The following DOCK8 variants were observed in gnomAD, a reference collection of about 807,000 sequenced individuals.
The protein encoded by DOCK8 is dedicator of cytokinesis 8, also known as dedicator of cytokinesis protein 8.
A neutral mutation model predicts 245.6 loss-of-function variants in DOCK8; 141 were observed. That is an observed-to-expected ratio of 0.57 (90% confidence interval 0.50 to 0.66). The LOEUF (loss-of-function observed/expected upper bound fraction) is 0.66, where lower values mean the gene tolerates loss of function less well. Ranked by LOEUF, DOCK8 falls within the 30% of genes least tolerant of loss-of-function variation. The probability of loss-of-function intolerance (pLI) is 0.00; values close to 1 mark genes in which losing one functional copy is unlikely to be tolerated. For synonymous variants in DOCK8, 1,168 were observed against 970.2 expected (o/e 1.20, Z -3.79); for missense variants, 2,965 against 2,603.4 (o/e 1.14, Z -3.02).
chr9:443,660 T>C, intron 43 of DOCK8, 144 bp downstream of exon 43: 1 of 665,442 alleles, frequency 1.5e-6, no homozygotes, highest in South Asian at 1.8e-5. Flanking sequence ...CAACTACTAA[T>C]TGGTCAGATC....
At chr9:288,952 A>G (rs537169018) in intron 3 of DOCK8, among the ~76,000 whole-genome samples, 1 of 152,332 alleles carries the variant, frequency 6.6e-6, no homozygotes, top group African/African-American at 2.4e-5. Context: ...TTTTGATTTC[A>G]AGACTCTGAA....
intron 4 of DOCK8, among the ~76,000 whole-genome samples, chr9:293,868 T>A (rs976116405): frequency 2.0e-5 from 3 of 152,242 alleles, no homozygotes; most frequent in African/African-American, 7.2e-5. Context: ...AAATCATGTA[T>A]GATTGTTTTG....
intron 10 of DOCK8, among the ~76,000 whole-genome samples, chr9:333,337 C>T (rs977985298): frequency 1.3e-5 from 2 of 152,236 alleles, no homozygotes; most frequent in Non-Finnish European, 2.9e-5. Context: ...CGTGGTGGCT[C>T]ACACCTGTAA....
intron 37 of DOCK8, 30 bp downstream of exon 37, chr9:432,354 C>T (rs368285712): frequency 7.4e-5 from 119 of 1,612,194 alleles, no homozygotes; most frequent in Non-Finnish European, 9.2e-5. Context: ...TTGTCTCATG[C>T]ATGAGTTTGG....
At chr9:332,240 G>A (rs538041641) in intron 9 of DOCK8, among the ~76,000 whole-genome samples, 158 bp from the exon 10 acceptor site, 1 of 151,984 alleles carries the variant, frequency 6.6e-6, no homozygotes, top group East Asian at 1.9e-4. Flanking sequence ...AAAATTGTAT[G>A]CTATTCTTTA....
rs1491223161 is a variant in DOCK8 at position 403,959 on chromosome 9, T to TAC, written c.3235-959_3235-958insAC. On this transcript the variant is annotated intron_variant, in intron 26 of 47. Coordinates refer to ENST00000432829, the MANE Select transcript of DOCK8 (RefSeq NM_203447.4). ...ATATATATATGTGTATATATATATA[T>TAC]GTATATATATATATATGTGTATATA... 3.3e-4 allele frequency among the ~76,000 whole-genome samples: 29 copies of TAC among 87,114 alleles called. 1 individual carries two copies. Among genetic ancestry groups the TAC allele is most frequent in the African/African-American group, 1.8e-3 (27 of 15,176 alleles). The allele number at this position is 87,114 out of a possible 152,430, so 57.2% of individuals were successfully genotyped here.
intron 39 of DOCK8, among the ~76,000 whole-genome samples, chr9:439,039 G>A (rs746377948): frequency 2.6e-5 from 4 of 152,162 alleles, no homozygotes; most frequent in East Asian, 3.9e-4. Context: ...AAAGAAAAAC[G>A]TGAGGTTTGA....
chr9:289,589 ACT>A lies in DOCK8; in HGVS notation c.404+9_404+10del, dbSNP rs1491115310. On this transcript the variant is annotated intron_variant, in intron 4 of 47. Coordinates refer to ENST00000432829, the MANE Select transcript of DOCK8 (RefSeq NM_203447.4). ...GCTAATCGTGAACCGGAAGTAAGTT[ACT>A]TTTTTTCCACTTTTTGTATATAAAT... 3 of 1,607,802 alleles carry A rather than the reference ACT, an allele frequency of 1.9e-6. No homozygotes were observed. Among genetic ancestry groups the A allele is most frequent in the African/African-American group, 2.7e-5 (2 of 74,674 alleles).
In DOCK8 at chr9:323,093, C is replaced by CAA. The variant is rs141746047; in HGVS notation, c.828-2564_828-2563dup. 2.2e-3 allele frequency among the ~76,000 whole-genome samples: 219 copies of CAA among 100,292 alleles called. 1 individual carries two copies. The highest frequency in any genetic ancestry group is 0.013 in the Middle Eastern group (2 of 158). The allele number at this position is 100,292 out of a possible 152,430, so 65.8% of individuals were successfully genotyped here. On this transcript the variant is annotated intron_variant, in intron 7 of 47. Transcript: ENST00000432829. Reference sequence around the variant, plus strand: ...GGGTGACAAGAGCAAAACTCCATCTCAAAAAAAAAAAAAAAGAAAGCCCCC... The same window carrying CAA: ...GGGTGACAAGAGCAAAACTCCATCTCAAAAAAAAAAAAAAAAAGAAAGCCCCC...
chr9:387,323 A>T (rs1420647221), intron 23 of DOCK8, among the ~76,000 whole-genome samples: 3 of 152,008 alleles, frequency 2.0e-5, no homozygotes, highest in African/African-American at 7.3e-5. Context: ...GGCACCTGTA[A>T]TCTCAGCTAC....
intron 1 of DOCK8, 177 bp downstream of exon 1, chr9:215,206 G>C: frequency 6.6e-7 from 1 of 1,525,420 alleles, no homozygotes; most frequent in Non-Finnish European, 8.8e-7. Flanking sequence ...TGGACGCGCG[G>C]CGGCTCCTGC....
chr9:449,830 A>C lies in DOCK8; in HGVS notation c.5864A>C (p.Lys1955Thr), dbSNP rs2131866624. The stretch of plus-strand genomic sequence containing the variant: ...GTTGCCATTGAAGACATGAAGAAGA[A>C]GACCCTGCAGTTAGCAGTTGCCATT... Reference protein sequence around the residue: ...IEVAIEDMKKKTLQLAVAINQ... With the variant: ...IEVAIEDMKKTTLQLAVAINQ... The change falls in exon 45 of 48, where the codon AAG becomes ACG. Residue 1955 changes from lysine (K) to threonine (T), a missense_variant. Physicochemically the swap from Lys to Thr is moderately conservative, Grantham distance 78. Transcript: ENST00000432829. The C allele has an allele frequency of 1.9e-6, 3 of 1,613,478 alleles. No homozygotes were observed. The highest frequency in any genetic ancestry group is 2.5e-6 in the Non-Finnish European group (3 of 1,180,028).
In DOCK8 at chr9:221,737, G is replaced by T. The variant is rs188628290; in HGVS notation, c.53+6708G>T. ...CTCAGGAGGTTGAGGCAGGAGAATC[G>T]CTTGAACCTGGGAGGCGGAAGTTGC... On this transcript the variant is annotated intron_variant, in intron 1 of 47. Coordinates refer to ENST00000432829, the MANE Select transcript of DOCK8 (RefSeq NM_203447.4). 1.3e-4 allele frequency among the ~76,000 whole-genome samples: 19 copies of T among 151,418 alleles called. 1 individual carries two copies. The highest frequency in any genetic ancestry group is 6.6e-4 in the Admixed American group (10 of 15,206).
chr9:422,283 C>G (rs192190020), intron 33 of DOCK8, 148 bp downstream of exon 33: 93 of 768,540 alleles, frequency 1.2e-4, no homozygotes, highest in Admixed American at 1.0e-3. Flanking sequence ...ATCCAGGGAC[C>G]CAGGATAATC....
upstream of DOCK8, among the ~76,000 whole-genome samples, chr9:211,849 A>G (rs954018032): frequency 3.3e-5 from 5 of 152,286 alleles, no homozygotes; most frequent in Middle Eastern, 3.4e-3. Flanking sequence ...GATGACTCCA[A>G]AGTTTTAAAC....
intron 7 of DOCK8, among the ~76,000 whole-genome samples, chr9:325,051 A>G (rs769575017): frequency 1.4e-4 from 22 of 152,094 alleles, no homozygotes; most frequent in Non-Finnish European, 2.1e-4. Flanking sequence ...CTTAGCTCCC[A>G]CTAACATACA....
chr9:444,358 A>ATAATAATAATAG (rs1387415539), intron 43 of DOCK8, among the ~76,000 whole-genome samples: 2 of 150,062 alleles, frequency 1.3e-5, no homozygotes, highest in African/African-American at 4.9e-5. Context: ...AATAATAATA[A>ATAATAATAATAG]TAATAATTTG....
At chr9:281,416 A>G (rs1424005374) in intron 2 of DOCK8, among the ~76,000 whole-genome samples, 1 of 152,210 alleles carries the variant, frequency 6.6e-6, no homozygotes, top group African/African-American at 2.4e-5. Flanking sequence ...GAGACCACAT[A>G]TAGCAGAACA....
Position 422,148 on chromosome 9 carries a change from G to A in DOCK8, c.4241+13G>A. The A allele has an allele frequency of 6.2e-7, 1 of 1,609,924 alleles. No individual in the cohort carries two copies. The highest frequency in any genetic ancestry group is 2.2e-5 in the East Asian group (1 of 44,850). ...AGAAGCTAGATAAGTGAGTCACTCG[G>A]CAACTTTCTGCTACTTTTACCTAAA... is the stretch of plus-strand genomic sequence containing the variant. On this transcript the variant is annotated intron_variant, in intron 33 of 47. Transcript: ENST00000432829.
Sources: allele counts gnomAD v4.1 joint callset (sites outside exome capture counted in the v4.1 genomes callset), GRCh38; gene constraint gnomAD v4.1.1; transcripts MANE v1.5; gene names NCBI Gene and HGNC (gene_info 2026-07-23, HGNC 2026-07-21).